Variants in ZDHHC14 observed in about 807,000 individuals in gnomAD.
ZDHHC14 encodes the protein zDHHC palmitoyltransferase 14, also known as palmitoyltransferase ZDHHC14.
In ZDHHC14, 16 loss-of-function variants were observed where a neutral mutation model predicts 47.7. That is an observed-to-expected ratio of 0.34 (90% CI 0.23 to 0.51). The LOEUF (loss-of-function observed/expected upper bound fraction) is 0.51. Among genes scored for constraint, ZDHHC14 ranks in the 20% least tolerant of loss-of-function variants. The pLI is 0.97. For missense variants in ZDHHC14, 515 were observed against 662.5 expected (o/e 0.78, Z 2.44); for synonymous variants, 293 against 278.9 (o/e 1.05, Z -0.50).
At chr6:157,477,200 T>TG (rs1682361673) in intron 1 of ZDHHC14, among the ~76,000 whole-genome samples, 1 of 152,110 alleles carries the variant, frequency 6.6e-6, no homozygotes, top group African/African-American at 2.4e-5. Context: ...ACCAACATGG[T>TG]GAAACCCCGT....
At chr6:157,446,656 C>T (rs149268260) in intron 1 of ZDHHC14, among the ~76,000 whole-genome samples, 7,341 of 152,022 alleles carry the variant, frequency 0.048, 539 homozygotes, top group African/African-American at 0.16. Flanking sequence ...GTGATCCACC[C>T]GCCTCAGCCT....
intron 1 of ZDHHC14, among the ~76,000 whole-genome samples, chr6:157,405,376 G>T (rs140821898): frequency 0.01 from 1,582 of 152,180 alleles, 32 homozygotes; most frequent in African/African-American, 0.037. Context: ...GGTACTACAG[G>T]CACCCGCCAC....
chr6:157,537,587 C>T (rs938109941), intron 1 of ZDHHC14, among the ~76,000 whole-genome samples: 2 of 152,200 alleles, frequency 1.3e-5, no homozygotes, highest in African/African-American at 4.8e-5. Context: ...GACTAAGATG[C>T]CTGTAGCCTG....
chr6:157,644,537 C>G (rs1777426279), intron 5 of ZDHHC14, among the ~76,000 whole-genome samples: 1 of 152,216 alleles, frequency 6.6e-6, no homozygotes, highest in Admixed American at 6.5e-5. Flanking sequence ...AGCCCATTCA[C>G]TCCTGTTTTG....
intron 1 of ZDHHC14, among the ~76,000 whole-genome samples, chr6:157,413,633 T>C (rs1031456487): frequency 6.6e-6 from 1 of 151,928 alleles, no homozygotes; most frequent in Non-Finnish European, 1.5e-5. Context: ...ATTCCTCACA[T>C]TCAGAGACTT....
intron 6 of ZDHHC14, 91 bp from the exon 7 acceptor site, chr6:157,647,168 C>A: frequency 1.2e-6 from 1 of 813,724 alleles, no homozygotes; most frequent in Non-Finnish European, 2.0e-6. Context: ...AGATGATTTG[C>A]ATTCTTTATG....
At chr6:157,405,493 A>C (rs1414008377) in intron 1 of ZDHHC14, among the ~76,000 whole-genome samples, 3 of 152,104 alleles carry the variant, frequency 2.0e-5, no homozygotes, top group African/African-American at 7.2e-5. Context: ...TGGCCTCCCA[A>C]AGTGCTGGGA....
At chr6:157,646,480 G>T (rs1350282052) in intron 6 of ZDHHC14, 6 of 152,112 alleles carry the variant, frequency 3.9e-5, no homozygotes, top group African/African-American at 1.4e-4. Flanking sequence ...GGGTGTGGTG[G>T]CAGGCGCTTG....
At chr6:157,612,872 G>C (rs1424511188) in intron 3 of ZDHHC14, among the ~76,000 whole-genome samples, 3 of 149,500 alleles carry the variant, frequency 2.0e-5, no homozygotes, top group Non-Finnish European at 4.4e-5. Context: ...TTGCTTTTTT[G>C]GCCCTATGAT....
At chr6:157,473,253 G>A (rs796850754) in intron 1 of ZDHHC14, among the ~76,000 whole-genome samples, 6 of 152,308 alleles carry the variant, frequency 3.9e-5, no homozygotes, top group African/African-American at 1.4e-4. Context: ...GTACAATAGA[G>A]CTGTTGAATC....
At chr6:157,552,784 C>T (rs1232199328) in intron 2 of ZDHHC14, among the ~76,000 whole-genome samples, 1 of 152,070 alleles carries the variant, frequency 6.6e-6, no homozygotes, top group Non-Finnish European at 1.5e-5. Context: ...TCCTAGCGGC[C>T]CCAGGAGCCT....
At chr6:157,645,618 A>G (rs1777492724) in intron 5 of ZDHHC14, 119 bp from the exon 6 acceptor site, 1 of 717,376 alleles carries the variant, frequency 1.4e-6, no homozygotes, top group African/African-American at 1.8e-5. Context: ...AGGCCGGGTG[A>G]GAGAGAGGCC....
intron 1 of ZDHHC14, among the ~76,000 whole-genome samples, chr6:157,418,691 C>T (rs1038033447): frequency 3.3e-5 from 5 of 152,320 alleles, no homozygotes; most frequent in African/African-American, 1.2e-4. Flanking sequence ...TAGCTATGTT[C>T]TACCCTCCTC....
chr6:157,592,538 T>TA (rs541225777), intron 2 of ZDHHC14, among the ~76,000 whole-genome samples: 10 of 152,294 alleles, frequency 6.6e-5, no homozygotes, highest in African/African-American at 2.4e-4. Context: ...AGTAACACCC[T>TA]AGCCTTTCCA....
chr6:157,534,392 T>C (rs569281697), intron 1 of ZDHHC14, among the ~76,000 whole-genome samples: 1 of 152,288 alleles, frequency 6.6e-6, no homozygotes, highest in Non-Finnish European at 1.5e-5. Flanking sequence ...GAACCAGGAC[T>C]CGAATGGGAA....
intron 1 of ZDHHC14, among the ~76,000 whole-genome samples, chr6:157,474,840 C>T (rs1235574677): frequency 6.6e-6 from 1 of 152,082 alleles, no homozygotes; most frequent in Non-Finnish European, 1.5e-5. Flanking sequence ...TATATTCTCC[C>T]ATTCTGTAGG....
chr6:157,648,852 G>A (rs1777685627), intron 7 of ZDHHC14, among the ~76,000 whole-genome samples: 1 of 152,208 alleles, frequency 6.6e-6, no homozygotes, highest in African/African-American at 2.4e-5. Flanking sequence ...AGCAGGGCAG[G>A]TCAGGAAACA....
chr6:157,409,833 A>T (rs533325356), intron 1 of ZDHHC14, among the ~76,000 whole-genome samples: 1 of 146,644 alleles, frequency 6.8e-6, no homozygotes, highest in East Asian at 2.0e-4. Context: ...TTATTATTTT[A>T]TTTTTTGGGG....
intron 2 of ZDHHC14, among the ~76,000 whole-genome samples, chr6:157,550,486 G>C (rs34234008): frequency 0.016 from 2,299 of 148,288 alleles, 84 homozygotes; most frequent in African/African-American, 0.055. Flanking sequence ...AGACCACAGC[G>C]TCACACAGGC....
Sources: gnomAD v4.1 joint callset for allele counts (sites outside exome capture counted in the v4.1 genomes callset) on GRCh38, gnomAD v4.1.1 for gene constraint, MANE v1.5 for transcripts, NCBI Gene and HGNC (gene_info 2026-07-23, HGNC 2026-07-21) for gene names.